DCC: variants seen among roughly 807,000 people sequenced by gnomAD.
DCC encodes the protein DCC netrin 1 receptor.
A neutral mutation model predicts 172.5 loss-of-function variants in DCC; 58 were observed. That is an observed-to-expected ratio of 0.34 (90% CI 0.27 to 0.42). The LOEUF is 0.42. DCC is among the 10% of genes least tolerant of loss of function. DCC has a pLI of 1.00. For missense variants in DCC, 1,740 were observed against 1,791.0 expected, an observed-to-expected ratio of 0.97 and a Z score of 0.51; for synonymous variants, 709 against 644.5, an observed-to-expected ratio of 1.10 and a Z score of -1.52.
At chr18:52,504,444 A>G (rs986902958) in intron 1 of DCC, among the ~76,000 whole-genome samples, 9 of 152,132 alleles carry the variant, frequency 5.9e-5, no homozygotes, top group African/African-American at 7.2e-5. Context: ...AAGTTCGTTC[A>G]GCTTTGAATG....
chr18:53,120,602 C>A (rs1342322006), intron 7 of DCC, among the ~76,000 whole-genome samples: 1 of 151,692 alleles, frequency 6.6e-6, no homozygotes, highest in African/African-American at 2.4e-5. Flanking sequence ...TGCTAATAAG[C>A]CCAGTAAAGA....
At chr18:53,454,323 T>G (rs1254352030) in intron 23 of DCC, among the ~76,000 whole-genome samples, 1 of 152,218 alleles carries the variant, frequency 6.6e-6, no homozygotes, top group Non-Finnish European at 1.5e-5. Context: ...CCGGCCTGGG[T>G]GACAGAGTGA....
At chr18:52,788,835 G>A (rs2037709140) in intron 2 of DCC, among the ~76,000 whole-genome samples, 1 of 152,134 alleles carries the variant, frequency 6.6e-6, no homozygotes, top group African/African-American at 2.4e-5. Flanking sequence ...GTTTTATAAT[G>A]GATTTTGGAT....
intron 1 of DCC, among the ~76,000 whole-genome samples, chr18:52,625,467 C>A (rs796397450): frequency 6.6e-6 from 1 of 152,122 alleles, no homozygotes; most frequent in South Asian, 2.1e-4. Flanking sequence ...TGGGGTCAAT[C>A]TTTCATTTGG....
Position 52,387,879 on chromosome 18 carries a change from A to T in DCC, c.91+47001A>T, listed in dbSNP as rs3910781. ...AAATAATACACATTTATAAAAGTTT[A>T]ACCAATATCTAGTTTTAAAAGTAAA... On this transcript the variant is annotated intron_variant, in intron 1 of 28. Coordinates refer to ENST00000442544, the MANE Select transcript of DCC (RefSeq NM_005215.4). Among the ~76,000 whole-genome samples, 164 of 152,170 alleles carry T rather than the reference A, an allele frequency of 1.1e-3. 3 individuals carry two copies. In the East Asian group the frequency reaches 0.023, roughly 21 times the overall value.
chr18:53,258,688 G>T (rs2056554550), intron 12 of DCC, among the ~76,000 whole-genome samples: 1 of 152,166 alleles, frequency 6.6e-6, no homozygotes, highest in African/African-American at 2.4e-5. Flanking sequence ...TGTATATTCT[G>T]TTGATTTGGG....
At chr18:53,096,942 AAGCTAGAT>A (rs1568302659) in intron 7 of DCC, among the ~76,000 whole-genome samples, 1 of 152,200 alleles carries the variant, frequency 6.6e-6, no homozygotes, top group Admixed American at 6.6e-5. Context: ...AGGGTTTACA[AAGCTAGAT>A]AATGTAGTTA....
chr18:52,457,205 G>A (rs1352931928), intron 1 of DCC, among the ~76,000 whole-genome samples: 2 of 152,104 alleles, frequency 1.3e-5, no homozygotes, highest in Non-Finnish European at 2.9e-5. Flanking sequence ...GCAGAAGTGG[G>A]ATAAGTGGAA....
At chr18:52,553,304 C>T (rs566085882) in intron 1 of DCC, among the ~76,000 whole-genome samples, 52 of 152,118 alleles carry the variant, frequency 3.4e-4, no homozygotes, top group Non-Finnish European at 7.1e-4. Context: ...AGATCACTCA[C>T]TTTTTCCTAT....
chr18:53,436,905 C>T (rs536290044), intron 22 of DCC, among the ~76,000 whole-genome samples: 2 of 152,224 alleles, frequency 1.3e-5, no homozygotes, highest in East Asian at 3.9e-4. Flanking sequence ...ACAGTTGATG[C>T]CTTCCAGCTG....
rs2045650891 is a variant in DCC, at chr18:53,468,366, T to TTTATTTATTTATTTA, written c.3736+356_3736+357insTTATTTATTTATTTA. ...TTTTTATTTATTTATTTATTTATTTTATTTATTTATTTATTTTATTTATTT... is the reference window on the plus strand; with the variant it reads ...TTTTTATTTATTTATTTATTTATTTTTTATTTATTTATTTAATTTATTTATTTATTTTATTTATTT... On this transcript the variant is annotated intron_variant, in intron 25 of 28. Transcript: ENST00000442544. Among the ~76,000 whole-genome samples the TTTATTTATTTATTTA allele has an allele frequency of 8.7e-5, 11 of 126,956 alleles. No homozygotes were observed. In the South Asian group the frequency reaches 2.1e-3, roughly 25 times the overall value. 83.3% of individuals were successfully genotyped at this position (126,956 alleles called of 152,430 possible). A position where few individuals can be genotyped will look rare whatever the true frequency, so the allele number is the denominator to read the frequency against.
At chr18:53,520,604 A>G (rs1425503740) in intron 27 of DCC, among the ~76,000 whole-genome samples, 1 of 152,014 alleles carries the variant, frequency 6.6e-6, no homozygotes, top group East Asian at 1.9e-4. Context: ...CTGCTTGGTG[A>G]GCTTGTAGGG....
At chr18:52,865,760 A>G (rs1293935651) in intron 2 of DCC, among the ~76,000 whole-genome samples, 2 of 152,136 alleles carry the variant, frequency 1.3e-5, no homozygotes, top group Non-Finnish European at 2.9e-5. Context: ...CCTTTGTCAG[A>G]CAGATAGATT....
chr18:52,799,288 A>G (rs1269611228), intron 2 of DCC, among the ~76,000 whole-genome samples: 1 of 152,228 alleles, frequency 6.6e-6, no homozygotes, highest in Non-Finnish European at 1.5e-5. Context: ...TCAGATTGCT[A>G]TAGTTTGAAG....
chr18:53,206,013 T>G (rs188956415), intron 10 of DCC, among the ~76,000 whole-genome samples: 2 of 150,046 alleles, frequency 1.3e-5, no homozygotes, highest in Non-Finnish European at 3.0e-5. Flanking sequence ...ATGTTAAAAA[T>G]AGAAATTGAG....
intron 15 of DCC, among the ~76,000 whole-genome samples, chr18:53,355,599 G>A (rs561470943): frequency 2.6e-5 from 4 of 152,182 alleles, no homozygotes; most frequent in South Asian, 4.1e-4. Context: ...AAGAATGCTC[G>A]CGATTTTTGC....
chr18:53,216,763 G>T (rs143563148), intron 12 of DCC, among the ~76,000 whole-genome samples: 335 of 152,150 alleles, frequency 2.2e-3, no homozygotes, highest in African/African-American at 7.8e-3. Flanking sequence ...TGTTGGATAA[G>T]AACTATTAAA....
chr18:53,125,931 G>A (rs1198436944), intron 7 of DCC, among the ~76,000 whole-genome samples: 1 of 152,150 alleles, frequency 6.6e-6, no homozygotes, highest in Non-Finnish European at 1.5e-5. Context: ...AGCATGTGCT[G>A]ATGTAGGAAG....
intron 1 of DCC, among the ~76,000 whole-genome samples, chr18:52,737,442 C>G (rs2036747164): frequency 6.6e-6 from 1 of 152,118 alleles, no homozygotes; most frequent in Non-Finnish European, 1.5e-5. Flanking sequence ...AAATCTTCAT[C>G]TTAAATATGT....
Sources: allele counts gnomAD v4.1 joint callset (sites outside exome capture counted in the v4.1 genomes callset), GRCh38; gene constraint gnomAD v4.1.1; transcripts MANE v1.5; gene names NCBI Gene and HGNC (gene_info 2026-07-23, HGNC 2026-07-21).